ANKRD13C: variants seen among roughly 807,000 people sequenced by gnomAD.
The protein encoded by ANKRD13C is ankyrin repeat domain-containing protein 13C.
In ANKRD13C, 16 loss-of-function variants were observed where a neutral mutation model predicts 65.5. That is an observed-to-expected ratio of 0.24 (90% CI 0.17 to 0.37). The LOEUF is 0.37. ANKRD13C is among the 10% of genes least tolerant of loss of function. The pLI, the probability that ANKRD13C is intolerant of heterozygous loss-of-function variation, is 1.00. For synonymous variants in ANKRD13C, 235 were observed against 238.7 expected (o/e 0.98, Z 0.14); for missense variants, 503 against 655.9 (o/e 0.77, Z 2.55).
chr1:70,300,663 T>C, intron 7 of ANKRD13C, 101 bp downstream of exon 7: 10 of 1,117,492 alleles, frequency 8.9e-6, no homozygotes, highest in Non-Finnish European at 1.2e-5. Flanking sequence ...ACCATCTCAA[T>C]TATACCTTAA....
At chr1:70,279,600 G>A (rs1343075276) in intron 9 of ANKRD13C, among the ~76,000 whole-genome samples, 5 of 148,804 alleles carry the variant, frequency 3.4e-5, no homozygotes, top group African/African-American at 1.2e-4. Flanking sequence ...CCGCCTCCCA[G>A]GTTCAAGCAA....
intron 12 of ANKRD13C, among the ~76,000 whole-genome samples, chr1:70,264,453 G>T (rs1020126421): frequency 7.1e-6 from 1 of 141,294 alleles, no homozygotes; most frequent in African/African-American, 2.6e-5. Flanking sequence ...TAGAGCCTGG[G>T]GAACAGAGCA....
At chr1:70,318,661 T>G (rs1347910959) in intron 3 of ANKRD13C, among the ~76,000 whole-genome samples, 1 of 151,588 alleles carries the variant, frequency 6.6e-6, no homozygotes, top group African/African-American at 2.4e-5. Context: ...GATAATCCAT[T>G]CTGTTAAATC....
intron 9 of ANKRD13C, among the ~76,000 whole-genome samples, chr1:70,286,714 G>A (rs546562596): frequency 7.2e-5 from 11 of 152,142 alleles, no homozygotes; most frequent in Admixed American, 2.0e-4. Flanking sequence ...GGCCAGGCAC[G>A]GTGGCTCATG....
At chr1:70,331,643 A>G (rs1366755269) in intron 2 of ANKRD13C, among the ~76,000 whole-genome samples, 1 of 151,942 alleles carries the variant, frequency 6.6e-6, no homozygotes, top group Non-Finnish European at 1.5e-5. Flanking sequence ...GGAGTTTGAG[A>G]CCAGCCTGGC....
At chr1:70,296,399 T>C (rs1237399129) in intron 7 of ANKRD13C, 138 bp from the exon 8 acceptor site, 10 of 813,906 alleles carry the variant, frequency 1.2e-5, no homozygotes, top group African/African-American at 1.7e-5. Context: ...TGTGAAGTGT[T>C]ACTTACTCTA....
chr1:70,262,458 C>T lies in ANKRD13C; in HGVS notation c.*259G>A, dbSNP rs569809782. 15 of 208,260 alleles carry T rather than the reference C, an allele frequency of 7.2e-5. No individual in the cohort carries two copies. Among genetic ancestry groups the T allele is most frequent in the South Asian group, 2.7e-4 (2 of 7,546 alleles). The allele number at this position is 208,260 out of a possible 1,614,324, so 12.9% of individuals were successfully genotyped here. A position where few individuals can be genotyped will look rare whatever the true frequency, so the allele number is the denominator to read the frequency against. The stretch of plus-strand genomic sequence containing the variant: ...ACAGCACTCATAGCTGCTTCACATA[C>T]GCAGGTCTTAGGGTCATTAATGTGT... On this transcript the variant is annotated 3_prime_UTR_variant, in exon 13 of 13. Transcript: ENST00000370944.
chr1:70,320,589 C>G (rs1441239639), intron 3 of ANKRD13C, among the ~76,000 whole-genome samples: 1 of 152,112 alleles, frequency 6.6e-6, no homozygotes, highest in African/African-American at 2.4e-5. Flanking sequence ...CCTGTCTCGG[C>G]CTCCCAAAGT....
At chr1:70,289,623 C>A (rs1341159787) in intron 9 of ANKRD13C, among the ~76,000 whole-genome samples, 1 of 151,504 alleles carries the variant, frequency 6.6e-6, no homozygotes, top group African/African-American at 2.4e-5. Context: ...CCCGCCACCA[C>A]GCCCGGCTAA....
chr1:70,262,943 T>TAAA (rs34241203), intron 12 of ANKRD13C, 96 bp from the exon 13 acceptor site: 16,336 of 456,918 alleles, frequency 0.036, 84 homozygotes, highest in South Asian at 0.048. Context: ...CCTTAAAATG[T>TAAA]AAAAAAAAAA....
At chr1:70,311,069 TA>T (rs1680827039) in intron 5 of ANKRD13C, among the ~76,000 whole-genome samples, 1 of 152,168 alleles carries the variant, frequency 6.6e-6, no homozygotes, top group South Asian at 2.1e-4. Context: ...ATTTAGAATT[TA>T]AAATTCTCTA....
intron 8 of ANKRD13C, among the ~76,000 whole-genome samples, chr1:70,295,478 C>T (rs1487672245): frequency 1.3e-5 from 2 of 152,048 alleles, no homozygotes; most frequent in Non-Finnish European, 2.9e-5. Context: ...GAACTCCTGA[C>T]CTCGTGATCC....
intron 12 of ANKRD13C, among the ~76,000 whole-genome samples, chr1:70,266,961 ATGT>A (rs1163771051): frequency 1.3e-5 from 2 of 152,128 alleles, no homozygotes; most frequent in African/African-American, 2.4e-5. Context: ...TTGGCTTATG[ATGT>A]TGTTGATCTA....
chr1:70,339,521 G>A (rs1017005837), intron 1 of ANKRD13C, among the ~76,000 whole-genome samples: 2 of 151,732 alleles, frequency 1.3e-5, no homozygotes, highest in Non-Finnish European at 2.9e-5. Flanking sequence ...GCTTCACCAT[G>A]TTGCCCAGGC....
At position 70,261,457 on chromosome 1, in the gene ANKRD13C, A is replaced by T. The variant is rs1558253053; in HGVS notation, c.*1260T>A. 6.6e-6 allele frequency: 1 copy of T among 152,098 alleles called. No homozygotes were observed. The highest frequency in any genetic ancestry group is 2.4e-5 in the African/African-American group (1 of 41,456). 9.4% of individuals were successfully genotyped at this position (152,098 alleles called of 1,614,324 possible). On this transcript the variant is annotated 3_prime_UTR_variant, in exon 13 of 13. Transcript: ENST00000370944. ...ATCTAAGTAAGCTCTTTAATACAAC[A>T]TGATACTTTATAACTGTTATACATT...
In ANKRD13C at chr1:70,274,708, T is replaced by C. The variant is rs758339343; in HGVS notation, c.1394+12A>G. 1.1e-5 allele frequency: 18 copies of C among 1,576,802 alleles called. No individual in the cohort carries two copies. Among genetic ancestry groups the C allele is most frequent in the Non-Finnish European group, 1.4e-5 (16 of 1,146,572 alleles). On this transcript the variant is annotated intron_variant, in intron 11 of 12. Transcript: ENST00000370944. ...TTCTTTCATAAACATTTGTAGTTAGTAACAAACTTACAACTCTATCCCTAA... is the reference window on the plus strand; with the variant it reads ...TTCTTTCATAAACATTTGTAGTTAGCAACAAACTTACAACTCTATCCCTAA...
chr1:70,273,476 G>A (rs975901450), intron 11 of ANKRD13C, among the ~76,000 whole-genome samples: 1 of 152,124 alleles, frequency 6.6e-6, no homozygotes, highest in Admixed American at 6.5e-5. Context: ...CATCCAATGA[G>A]TACATGTTGG....
chr1:70,273,269 G>T (rs915361317), intron 11 of ANKRD13C, among the ~76,000 whole-genome samples: 1 of 152,038 alleles, frequency 6.6e-6, no homozygotes, highest in African/African-American at 2.4e-5. Context: ...TTTAAAAAAT[G>T]TATTAGGCCG....
intron 3 of ANKRD13C, among the ~76,000 whole-genome samples, chr1:70,317,655 A>G (rs1183851029): frequency 6.6e-6 from 1 of 152,170 alleles, no homozygotes; most frequent in Non-Finnish European, 1.5e-5. Flanking sequence ...GAATCTGACA[A>G]ACCTTCCTGT....
Sources: allele counts gnomAD v4.1 joint callset (sites outside exome capture counted in the v4.1 genomes callset), GRCh38; gene constraint gnomAD v4.1.1; transcripts MANE v1.5; gene names NCBI Gene and HGNC (gene_info 2026-07-23, HGNC 2026-07-21).